The following SDK1 variants were observed in gnomAD, a reference collection of about 807,000 sequenced individuals.
SDK1 encodes the protein protein sidekick-1.
SDK1 carries 157 observed loss-of-function variants against 245.5 expected under a neutral mutation model. That is an observed-to-expected ratio of 0.64 (90% confidence interval 0.56 to 0.73). The LOEUF is 0.73. Ranked by LOEUF, SDK1 falls within the 30% of genes least tolerant of loss-of-function variation. The probability of loss-of-function intolerance (pLI) is 0.00; values close to 1 mark genes in which losing one functional copy is unlikely to be tolerated. For missense variants in SDK1, 3,583 were observed against 3,002.3 expected (o/e 1.19, Z -4.52); for synonymous variants, 1,647 against 1,278.5 (o/e 1.29, Z -6.15).
intron 22 of SDK1, among the ~76,000 whole-genome samples, chr7:4,098,351 G>C (rs538867486): frequency 6.6e-6 from 1 of 152,224 alleles, no homozygotes; most frequent in Admixed American, 6.5e-5. Flanking sequence ...AATTTTATGA[G>C]ACTCATATTT....
chr7:3,521,152 G>A lies in SDK1; in HGVS notation c.299-97928G>A, dbSNP rs1171809992. Among the ~76,000 whole-genome samples, 2 of 152,174 alleles carry A rather than the reference G, an allele frequency of 1.3e-5. 1 individual carries two copies. The highest frequency in any genetic ancestry group is 1.3e-4 in the Admixed American group (2 of 15,268). ...CCAGGGGCTGGTCTTTGCCCATGAG[G>A]CTGCTCACATCCCTTCGTGTTTTCC... On this transcript the variant is annotated intron_variant, in intron 1 of 44. Coordinates refer to ENST00000404826, the MANE Select transcript of SDK1 (RefSeq NM_152744.4).
intron 1 of SDK1, among the ~76,000 whole-genome samples, chr7:3,520,323 A>G (rs1179735702): frequency 6.6e-6 from 1 of 152,184 alleles, no homozygotes; most frequent in East Asian, 1.9e-4. Flanking sequence ...TAGGTTGTCA[A>G]CCTAGGTAAG....
intron 17 of SDK1, among the ~76,000 whole-genome samples, chr7:4,033,789 A>G (rs1788015909): frequency 1.3e-5 from 2 of 152,192 alleles, no homozygotes; most frequent in South Asian, 2.1e-4. Flanking sequence ...CAAAAGTCTG[A>G]CAATACTCTG....
chr7:3,418,399 A>G (rs568882323), intron 1 of SDK1, among the ~76,000 whole-genome samples: 1 of 152,194 alleles, frequency 6.6e-6, no homozygotes, highest in Non-Finnish European at 1.5e-5. Flanking sequence ...ACTTCACTGC[A>G]AAGAGTCACT....
rs185218902 is a variant in SDK1, at chr7:3,593,084, A to G, written c.299-25996A>G. 2.4e-3 allele frequency among the ~76,000 whole-genome samples: 368 copies of G among 152,342 alleles called. 3 individuals are homozygous for G. Among genetic ancestry groups the G allele is most frequent in the South Asian group, 0.018 (85 of 4,824 alleles). On this transcript the variant is annotated intron_variant, in intron 1 of 44. Transcript: ENST00000404826. The stretch of plus-strand genomic sequence containing the variant: ...AAGAGAATTTTGCCTCTGTCCTGCT[A>G]ATGGGGAACATATTTAACTTGGTGC...
At chr7:4,035,635 A>G (rs1433102824) in intron 17 of SDK1, among the ~76,000 whole-genome samples, 1 of 152,164 alleles carries the variant, frequency 6.6e-6, no homozygotes, top group African/African-American at 2.4e-5. Flanking sequence ...TTTAAGTCTG[A>G]ATTGGGACTA....
intron 44 of SDK1, among the ~76,000 whole-genome samples, chr7:4,254,722 T>A (rs1156582216): frequency 1.3e-5 from 2 of 152,062 alleles, no homozygotes; most frequent in East Asian, 1.9e-4. Context: ...CAACTCTGAA[T>A]AATGATATTC....
chr7:3,873,729 A>G (rs1313861822), intron 5 of SDK1, among the ~76,000 whole-genome samples: 1 of 152,188 alleles, frequency 6.6e-6, no homozygotes, highest in Non-Finnish European at 1.5e-5. Context: ...TCATGAGCCC[A>G]TCAAAAGCAT....
intron 1 of SDK1, among the ~76,000 whole-genome samples, chr7:3,536,513 A>G (rs538236429): frequency 6.6e-6 from 1 of 152,122 alleles, no homozygotes. Context: ...CCCTGTTTCT[A>G]CTTAAAACAA....
chr7:3,806,272 C>G (rs780722101), intron 4 of SDK1, among the ~76,000 whole-genome samples: 1 of 144,552 alleles, frequency 6.9e-6, no homozygotes, highest in Non-Finnish European at 1.6e-5. Flanking sequence ...TGTGAGGTAA[C>G]GTATCTCTAG....
rs766816294 is a variant in SDK1, at chr7:3,421,365, C to T, written c.298+119481C>T. On this transcript the variant is annotated intron_variant, in intron 1 of 44. Transcript: ENST00000404826. ...TGCTGGGATTACAGGTGCAAGCCAC[C>T]GAGCCTGGCCTGCACTCTCACTTCT... Among the ~76,000 whole-genome samples, 13 of 152,060 alleles carry T rather than the reference C, an allele frequency of 8.5e-5. No homozygotes were observed. In the South Asian group the frequency reaches 1.9e-3, roughly 22 times the overall value.
chr7:3,584,751 A>AG (rs1780626623), intron 1 of SDK1, among the ~76,000 whole-genome samples: 1 of 142,258 alleles, frequency 7.0e-6, no homozygotes, highest in African/African-American at 2.7e-5. Context: ...TTTGAGATGG[A>AG]GTCTCGCTGT....
intron 14 of SDK1, among the ~76,000 whole-genome samples, chr7:4,008,348 G>A (rs948548075): frequency 3.3e-5 from 5 of 152,190 alleles, no homozygotes; most frequent in South Asian, 4.1e-4. Context: ...GTGAACACAC[G>A]AACAAAAGAT....
chr7:3,619,052 TG>T (rs1781855638), intron 1 of SDK1, 27 bp from the exon 2 acceptor site: 1 of 1,520,078 alleles, frequency 6.6e-7, no homozygotes, highest in Non-Finnish European at 8.9e-7. Context: ...ACTTCAGTTT[TG>T]TTTTGTTTTG....
intron 44 of SDK1, among the ~76,000 whole-genome samples, chr7:4,263,459 C>G (rs945366047): frequency 2.5e-4 from 37 of 148,892 alleles, no homozygotes; most frequent in Non-Finnish European, 1.2e-4. Flanking sequence ...GCGTAGACCT[C>G]TCTTGAGTGA....
chr7:4,048,561 T>C (rs1160804551), intron 17 of SDK1, among the ~76,000 whole-genome samples: 2 of 150,510 alleles, frequency 1.3e-5, no homozygotes, highest in Non-Finnish European at 2.9e-5. Flanking sequence ...TTCCCATGGC[T>C]CTCCCAGCTG....
intron 1 of SDK1, among the ~76,000 whole-genome samples, chr7:3,610,882 A>G (rs1053568369): frequency 5.3e-5 from 8 of 152,276 alleles, no homozygotes; most frequent in African/African-American, 1.9e-4. Context: ...TGACTCAAAT[A>G]TGGAGAGGAC....
At chr7:3,348,116 G>C (rs1399389564) in intron 1 of SDK1, among the ~76,000 whole-genome samples, 2 of 152,078 alleles carry the variant, frequency 1.3e-5, no homozygotes, top group African/African-American at 4.8e-5. Context: ...TCTAAAGTGG[G>C]GACGATGTTT....
intron 28 of SDK1, 51 bp downstream of exon 28, chr7:4,132,474 C>T: frequency 7.4e-7 from 1 of 1,349,620 alleles, no homozygotes; most frequent in Non-Finnish European, 1.0e-6. Context: ...GTCATCCCAG[C>T]ACCTTGGGAG....
Sources: gnomAD v4.1 joint callset for allele counts (sites outside exome capture counted in the v4.1 genomes callset) on GRCh38, gnomAD v4.1.1 for gene constraint, MANE v1.5 for transcripts, NCBI Gene and HGNC (gene_info 2026-07-23, HGNC 2026-07-21) for gene names.